Variants in GPC1 observed in about 807,000 individuals in gnomAD.
GPC1 encodes the protein glypican-1.
Under a neutral mutation model 51.5 loss-of-function variants are expected in GPC1, and 26 were observed. That is an observed-to-expected ratio of 0.50 (90% confidence interval 0.37 to 0.70). GPC1 has a LOEUF of 0.70. Among genes scored for constraint, GPC1 ranks in the 30% least tolerant of loss-of-function variants. The probability of loss-of-function intolerance (pLI) is 0.00; values close to 1 mark genes in which losing one functional copy is unlikely to be tolerated. For missense variants in GPC1, 775 were observed against 800.5 expected, an observed-to-expected ratio of 0.97 and a Z score of 0.38; for synonymous variants, 380 against 348.3, an observed-to-expected ratio of 1.09 and a Z score of -1.01.
chr2:240,455,240 T>TC (rs1171416912), intron 1 of GPC1, among the ~76,000 whole-genome samples: 13 of 151,630 alleles, frequency 8.6e-5, no homozygotes, highest in East Asian at 3.9e-4. Flanking sequence ...ATAATCCCCT[T>TC]CCCCCCCAAA....
intron 1 of GPC1, among the ~76,000 whole-genome samples, chr2:240,442,917 C>T (rs2074027456): frequency 6.6e-6 from 1 of 152,354 alleles, no homozygotes; most frequent in Non-Finnish European, 1.5e-5. Flanking sequence ...CCCAGCCTGC[C>T]ACTCACCCCC....
chr2:240,466,282 T>C lies in GPC1; in HGVS notation c.1669T>C (p.Trp557Arg). Reference protein sequence around the residue: ...FLALTVARPRWR With the variant: ...FLALTVARPRRR The stretch of plus-strand genomic sequence containing the variant: ...GGCCCTTACAGTAGCCAGGCCCCGG[T>C]GGCGGTAACTGCCCCAAGGCCCCAG... Residue 557 changes from tryptophan to arginine, a missense_variant, in exon 9 of 9, where the codon TGG becomes CGG. Transcript: ENST00000264039. The C allele has an allele frequency of 1.9e-6, 3 of 1,570,938 alleles. No individual in the cohort carries two copies. The highest frequency in any genetic ancestry group is 2.6e-6 in the Non-Finnish European group (3 of 1,141,630).
intron 4 of GPC1, chr2:240,464,399 C>T (rs535451877): frequency 1.2e-5 from 7 of 570,604 alleles, no homozygotes; most frequent in African/African-American, 3.8e-5. Flanking sequence ...CACCTGTGCC[C>T]GTGGCACAGG....
rs753510735 is a variant in GPC1, at chr2:240,435,928, C to G, written c.10C>G (p.Arg4Gly). The change falls in exon 1 of 9, where the codon CGG becomes GGG. Residue 4 changes from arginine (R) to glycine (G), a missense_variant. By Grantham distance (125) the Arg-to-Gly change is moderately radical. Coordinates refer to ENST00000264039, the MANE Select transcript of GPC1 (RefSeq NM_002081.3). MEL[R>G]ARGWWLLCAA... Reference sequence around the variant, plus strand: ...CGCCGCCGGCCCCGCCATGGAGCTCCGGGCCCGAGGCTGGTGGCTGCTATG... The same window carrying G: ...CGCCGCCGGCCCCGCCATGGAGCTCGGGGCCCGAGGCTGGTGGCTGCTATG... 25 of 1,259,078 alleles carry G rather than the reference C, an allele frequency of 2.0e-5. 2 individuals carry two copies. In the South Asian group the frequency reaches 6.3e-4, roughly 32 times the overall value. 78.0% of individuals were successfully genotyped at this position (1,259,078 alleles called of 1,614,324 possible). A position where few individuals can be genotyped will look rare whatever the true frequency, so the allele number is the denominator to read the frequency against.
In GPC1 at chr2:240,448,262, C is replaced by T. The variant is rs988996040; in HGVS notation, c.167-10768C>T. Among the ~76,000 whole-genome samples the T allele has an allele frequency of 2.6e-5, 4 of 152,134 alleles. No individual in the cohort carries two copies. Among genetic ancestry groups the T allele is most frequent in the South Asian group, 4.1e-4 (2 of 4,824 alleles). On this transcript the variant is annotated intron_variant, in intron 1 of 8. Transcript: ENST00000264039. This position sits in a 1 kb window ranked among gnomAD's most constrained non-coding sequence, Gnocchi z 4.5. The stretch of plus-strand genomic sequence containing the variant: ...ACGGGATGGGGCTGGTTCGTTCCCC[C>T]AGGCTGTCTGCCTCCTGGATCTCAT...
intron 1 of GPC1, among the ~76,000 whole-genome samples, chr2:240,437,663 A>C (rs2073992661): frequency 6.6e-6 from 1 of 151,998 alleles, no homozygotes; most frequent in East Asian, 1.9e-4. Flanking sequence ...CTCACACATA[A>C]AGAGGCATCC....
At chr2:240,461,944 G>C (rs1033996744) in intron 2 of GPC1, among the ~76,000 whole-genome samples, 1 of 152,060 alleles carries the variant, frequency 6.6e-6, no homozygotes, top group Non-Finnish European at 1.5e-5. Context: ...TGGAGCCCCA[G>C]TCAGAGGCCC....
chr2:240,449,929 C>T (rs1323342614), intron 1 of GPC1: 5 of 469,928 alleles, frequency 1.1e-5, no homozygotes, highest in Non-Finnish European at 2.2e-5. Context: ...CACCTACAGA[C>T]AGTTTGTGGA....
In GPC1 at chr2:240,466,101, T is replaced by C; in HGVS notation, c.1488T>C (p.Asp496=). The change falls in exon 9 of 9, where the codon GAT becomes GAC. Residue 496 remains aspartate (D), a synonymous_variant. Coordinates refer to ENST00000264039, the MANE Select transcript of GPC1 (RefSeq NM_002081.3). The part of the protein sequence containing the change: ...SGSGSGDGCL[D]DLCSRKVSRK... Reference sequence around the variant, plus strand: ...CGGGCAGCGGTGATGGCTGTCTGGATGACCTCTGCAGCCGGAAGGTCAGCA... The same window carrying C: ...CGGGCAGCGGTGATGGCTGTCTGGACGACCTCTGCAGCCGGAAGGTCAGCA... 6.2e-7 allele frequency: 1 copy of C among 1,612,676 alleles called. No homozygotes were observed. The highest frequency in any genetic ancestry group is 8.5e-7 in the Non-Finnish European group (1 of 1,179,846).
chr2:240,452,760 G>A (rs997172950), intron 1 of GPC1: 1 of 149,496 alleles, frequency 6.7e-6, no homozygotes, highest in African/African-American at 2.4e-5. Flanking sequence ...CGGGGCGGGG[G>A]CTGCGGGAGG....
At chr2:240,458,870 C>T (rs1574774572) in intron 1 of GPC1, 160 bp from the exon 2 acceptor site, 5 of 615,686 alleles carry the variant, frequency 8.1e-6, no homozygotes, top group South Asian at 2.0e-5. Context: ...CTCCACACCC[C>T]GACCACTTCT....
intron 1 of GPC1, among the ~76,000 whole-genome samples, chr2:240,447,666 G>A (rs2074060074): frequency 6.6e-6 from 1 of 152,216 alleles, no homozygotes; most frequent in Non-Finnish European, 1.5e-5. Flanking sequence ...GGTCAAAGGG[G>A]GTCAAGGGCC....
At chr2:240,453,047 G>C (rs942786776) in intron 1 of GPC1, 27 of 341,042 alleles carry the variant, frequency 7.9e-5, no homozygotes, top group Non-Finnish European at 1.5e-4. Context: ...CGCCGCGCTG[G>C]AAGCCAGGCC....
At chr2:240,439,296 C>T (rs533740364) in intron 1 of GPC1, among the ~76,000 whole-genome samples, 17 of 152,212 alleles carry the variant, frequency 1.1e-4, no homozygotes, top group East Asian at 7.7e-4. Context: ...GGGTGGGGAG[C>T]GGGACATGGA....
intron 3 of GPC1, among the ~76,000 whole-genome samples, chr2:240,463,066 C>T (rs2074230214): frequency 6.6e-6 from 1 of 152,152 alleles, no homozygotes; most frequent in South Asian, 2.1e-4. Flanking sequence ...GTGGGAACTG[C>T]CCCCACCTCC....
At position 240,463,428 on chromosome 2, in the gene GPC1, C is replaced by T. The variant is rs1343488828; in HGVS notation, c.799C>T (p.Pro267Ser). Residue 267 changes from proline (P) to serine (S), a missense_variant, in exon 4 of 9, where the codon CCC becomes TCC. Transcript: ENST00000264039. ...CTGCCTGGGAGTCCCCGGCGCCAGG[C>T]CCTGCCCTGACTATTGCCGAAATGT... ...AHCLGVPGAR[P>S]CPDYCRNVLK... 6.2e-7 allele frequency: 1 copy of T among 1,612,724 alleles called. No homozygotes were observed. The highest frequency in any genetic ancestry group is 8.5e-7 in the Non-Finnish European group (1 of 1,179,658).
chr2:240,460,180 G>A (rs1221713516), intron 2 of GPC1, among the ~76,000 whole-genome samples: 4 of 152,086 alleles, frequency 2.6e-5, no homozygotes, highest in Admixed American at 6.5e-5. Flanking sequence ...AGCTGTTGGC[G>A]TACACCTGGG....
intron 2 of GPC1, among the ~76,000 whole-genome samples, chr2:240,461,186 C>T (rs1043457981): frequency 6.6e-6 from 1 of 152,212 alleles, no homozygotes; most frequent in Non-Finnish European, 1.5e-5. Flanking sequence ...GTGGCCCGTC[C>T]ACCCTCCCCA....
At chr2:240,451,782 C>G (rs1031004303) in intron 1 of GPC1, 1 of 154,456 alleles carries the variant, frequency 6.5e-6, no homozygotes. Flanking sequence ...CTTCTTGGCC[C>G]GAGCTGTGAC....
Sources: allele counts gnomAD v4.1 joint callset (sites outside exome capture counted in the v4.1 genomes callset), GRCh38; gene constraint gnomAD v4.1.1; non-coding constraint Gnocchi (gnomAD v3.1); transcripts MANE v1.5; gene names NCBI Gene and HGNC (gene_info 2026-07-23, HGNC 2026-07-21).